The following UBASH3B variants were observed in gnomAD, a reference collection of about 807,000 sequenced individuals.
The protein encoded by UBASH3B is ubiquitin associated and SH3 domain containing B.
UBASH3B carries 37 observed loss-of-function variants against 83.4 expected under a neutral mutation model. The observed-to-expected ratio is 0.44, with a 90% CI of 0.34 to 0.58. The LOEUF (loss-of-function observed/expected upper bound fraction) is 0.58. Ranked by LOEUF, UBASH3B falls within the 20% of genes least tolerant of loss-of-function variation. UBASH3B has a pLI of 0.01. For missense variants in UBASH3B, 657 were observed against 827.2 expected, an observed-to-expected ratio of 0.79 and a Z score of 2.52; for synonymous variants, 304 against 318.3, an observed-to-expected ratio of 0.96 and a Z score of 0.48.
In UBASH3B at chr11:122,812,973, G is replaced by A. The variant is rs1381565398; in HGVS notation, c.*3087G>A. 6.6e-6 allele frequency: 1 copy of A among 152,598 alleles called. No individual in the cohort carries two copies. Among genetic ancestry groups the A allele is most frequent in the Non-Finnish European group, 1.5e-5 (1 of 68,024 alleles). The allele number at this position is 152,598 out of a possible 1,614,324, so 9.5% of individuals were successfully genotyped here. A position where few individuals can be genotyped will look rare whatever the true frequency, so the allele number is the denominator to read the frequency against. ...TGGCTGATTAAATGGCCATCTGATG[G>A]CTGAAAGAGGGGCGTATTTTTCACT... On this transcript the variant is annotated 3_prime_UTR_variant, in exon 14 of 14. Transcript: ENST00000284273.
intron 1 of UBASH3B, among the ~76,000 whole-genome samples, chr11:122,681,784 A>G (rs1387741341): frequency 6.6e-6 from 1 of 152,138 alleles, no homozygotes; most frequent in African/African-American, 2.4e-5. Context: ...TGAAAAAAAG[A>G]TGCTTCTATT....
intron 1 of UBASH3B, among the ~76,000 whole-genome samples, chr11:122,735,852 A>G (rs181830913): frequency 7.6e-4 from 116 of 152,308 alleles, no homozygotes; most frequent in African/African-American, 2.5e-3. Context: ...GCTTGAGCCT[A>G]GAGACATAGA....
At chr11:122,734,435 T>G (rs965052480) in intron 1 of UBASH3B, among the ~76,000 whole-genome samples, 1 of 152,146 alleles carries the variant, frequency 6.6e-6, no homozygotes, top group Non-Finnish European at 1.5e-5. Flanking sequence ...CCCATGTCTT[T>G]GCTTGAATGG....
intron 1 of UBASH3B, among the ~76,000 whole-genome samples, chr11:122,733,782 A>C (rs1176338812): frequency 1.3e-5 from 2 of 152,242 alleles, no homozygotes; most frequent in East Asian, 3.8e-4. Flanking sequence ...GTCTTATTGA[A>C]GAACTAGAAT....
chr11:122,720,514 A>G (rs1369212696), intron 1 of UBASH3B, among the ~76,000 whole-genome samples: 1 of 152,204 alleles, frequency 6.6e-6, no homozygotes. Context: ...AAAATGCCCC[A>G]ACGTTCTCTG....
At chr11:122,743,261 G>A (rs573742737) in intron 1 of UBASH3B, among the ~76,000 whole-genome samples, 153 of 152,188 alleles carry the variant, frequency 1.0e-3, no homozygotes, top group South Asian at 6.9e-3. Flanking sequence ...TGTTGCCCAG[G>A]CTGGAGTGCA....
At chr11:122,790,805 G>A (rs1001861531) in intron 6 of UBASH3B, among the ~76,000 whole-genome samples, 1 of 152,026 alleles carries the variant, frequency 6.6e-6, no homozygotes, top group African/African-American at 2.4e-5. Flanking sequence ...AAAAAAATCA[G>A]CTGGGCGTGG....
Position 122,806,304 on chromosome 11 carries a change from T to A in UBASH3B, c.1596-106T>A. The A allele has an allele frequency of 1.1e-6, 1 of 937,738 alleles. No homozygotes were observed. Among genetic ancestry groups the A allele is most frequent in the East Asian group, 2.6e-5 (1 of 38,796 alleles). 58.1% of individuals were successfully genotyped at this position (937,738 alleles called of 1,614,324 possible). On this transcript the variant is annotated intron_variant, in intron 11 of 13. Transcript: ENST00000284273. This position sits in a 1 kb window ranked among gnomAD's most constrained non-coding sequence, Gnocchi z 4.0. ...CTAGGGAAATGGATAAACAAACAGA[T>A]CTACGGGATCTTTAGAAATGCCTTG...
At chr11:122,723,740 C>T (rs1032734124) in intron 1 of UBASH3B, among the ~76,000 whole-genome samples, 10 of 152,182 alleles carry the variant, frequency 6.6e-5, no homozygotes, top group African/African-American at 2.4e-4. Flanking sequence ...AGTGGTAAAC[C>T]TTTCCTGTTT....
chr11:122,721,460 C>G (rs1393222032), intron 1 of UBASH3B, among the ~76,000 whole-genome samples: 1 of 151,932 alleles, frequency 6.6e-6, no homozygotes. Context: ...TGATATTTAC[C>G]ACACCAGGAT....
chr11:122,676,613 G>A (rs73014260), intron 1 of UBASH3B, among the ~76,000 whole-genome samples: 34,855 of 152,054 alleles, frequency 0.23, 4,285 homozygotes, highest in Non-Finnish European at 0.27. Context: ...CACTGGCTGA[G>A]GTGGGAGGAT....
intron 1 of UBASH3B, among the ~76,000 whole-genome samples, chr11:122,744,355 A>C (rs1861076180): frequency 6.6e-6 from 1 of 152,110 alleles, no homozygotes; most frequent in Non-Finnish European, 1.5e-5. Context: ...GTGTTTGTGC[A>C]TGTGGGTGAG....
At chr11:122,739,969 T>A (rs1200153978) in intron 1 of UBASH3B, among the ~76,000 whole-genome samples, 1 of 152,248 alleles carries the variant, frequency 6.6e-6, no homozygotes, top group Non-Finnish European at 1.5e-5. Context: ...CACCCAGAAA[T>A]AACTAGTTTC....
intron 1 of UBASH3B, among the ~76,000 whole-genome samples, chr11:122,659,251 C>T (rs961849268): frequency 6.6e-6 from 1 of 152,096 alleles, no homozygotes; most frequent in Non-Finnish European, 1.5e-5. Flanking sequence ...ATGTGGGTGT[C>T]TTTTGGGGGA....
chr11:122,796,210 C>T lies in UBASH3B; in HGVS notation c.1168C>T (p.Arg390Trp). ...CCAGAAGCGATGCCTTTTTGTGTGTCGGCATGGTGAGAGGATGGATGTTGT... is the reference window on the plus strand; with the variant it reads ...CCAGAAGCGATGCCTTTTTGTGTGTTGGCATGGTGAGAGGATGGATGTTGT... ...GPQKRCLFVC[R>W]HGERMDVVFG... Residue 390 changes from arginine to tryptophan, a missense_variant, in exon 8 of 14, where the codon CGG (arginine) becomes TGG (tryptophan). Around this residue, in one of 3 missense-constraint regions of UBASH3B, gnomAD observed 573 missense variants for 739.0 expected, o/e 0.78. Coordinates refer to ENST00000284273, the MANE Select transcript of UBASH3B (RefSeq NM_032873.5). 1.2e-6 allele frequency: 2 copies of T among 1,614,078 alleles called. No homozygotes were observed. The highest frequency in any genetic ancestry group is 1.7e-6 in the Non-Finnish European group (2 of 1,180,002).
chr11:122,722,393 T>G (rs1860653597), intron 1 of UBASH3B, among the ~76,000 whole-genome samples: 2 of 152,264 alleles, frequency 1.3e-5, no homozygotes, highest in Non-Finnish European at 2.9e-5. Flanking sequence ...GGTCCATTTC[T>G]AACTTGCAAC....
intron 1 of UBASH3B, among the ~76,000 whole-genome samples, chr11:122,707,163 C>T (rs993285388): frequency 5.3e-5 from 8 of 152,150 alleles, no homozygotes; most frequent in African/African-American, 1.9e-4. Context: ...CCGCCTACCC[C>T]ATAGACCCCT....
At chr11:122,706,651 C>T (rs961750020) in intron 1 of UBASH3B, among the ~76,000 whole-genome samples, 10 of 152,022 alleles carry the variant, frequency 6.6e-5, no homozygotes, top group Non-Finnish European at 1.0e-4. Flanking sequence ...TGGAATCTAA[C>T]GAGTGGACTT....
chr11:122,708,595 T>C (rs1217139663), intron 1 of UBASH3B, among the ~76,000 whole-genome samples: 3 of 152,162 alleles, frequency 2.0e-5, no homozygotes, highest in Non-Finnish European at 4.4e-5. Context: ...TGCCCGGCCT[T>C]CTTGTTTGGC....
Sources: gnomAD v4.1 joint callset for allele counts (sites outside exome capture counted in the v4.1 genomes callset) on GRCh38, gnomAD v4.1.1 for gene constraint, gnomAD v4.1.1 regional missense constraint, Gnocchi (gnomAD v3.1) non-coding constraint, MANE v1.5 for transcripts, NCBI Gene and HGNC (gene_info 2026-07-23, HGNC 2026-07-21) for gene names.